Variants in PRELID2 observed in about 807,000 individuals in gnomAD.
PRELID2 encodes PRELI domain-containing protein 2.
In PRELID2, 25 loss-of-function variants were observed where a neutral mutation model predicts 28.4. The ratio of observed to expected loss-of-function variants is 0.88; its 90% CI spans 0.64 to 1.23. PRELID2 has a LOEUF of 1.23. PRELID2 is among the 50% of genes most tolerant of loss of function. The pLI, the probability that PRELID2 is intolerant of heterozygous loss-of-function variation, is 0.00. For synonymous variants in PRELID2, 76 were observed against 71.6 expected, an observed-to-expected ratio of 1.06 and a Z score of -0.31; for missense variants, 201 against 214.4, an observed-to-expected ratio of 0.94 and a Z score of 0.39.
chr5:145,729,221 C>T (rs1208342905), intron 1 of PRELID2: 16 of 840,430 alleles, frequency 1.9e-5, no homozygotes, highest in Non-Finnish European at 3.2e-5. Context: ...GCCAGAATGC[C>T]CTGAATCTTA....
chr5:145,702,600 C>G (rs1755435871), intron 1 of PRELID2, among the ~76,000 whole-genome samples: 1 of 152,160 alleles, frequency 6.6e-6, no homozygotes, highest in Non-Finnish European at 1.5e-5. Context: ...TAAAGCAATT[C>G]AATGACATTC....
intron 1 of PRELID2, among the ~76,000 whole-genome samples, chr5:145,742,780 G>T (rs192782801): frequency 1.8e-3 from 269 of 151,310 alleles, no homozygotes; most frequent in African/African-American, 5.0e-3. Context: ...TAGCAGAAAA[G>T]CCATACAGAA....
rs1378775089 is a variant in PRELID2 at position 145,758,901 on chromosome 5, A to G, written c.*1635T>C. 1 of 152,050 alleles carries G rather than the reference A, an allele frequency of 6.6e-6. No homozygotes were observed. The allele number at this position is 152,050 out of a possible 1,614,324, so 9.4% of individuals were successfully genotyped here. A position where few individuals can be genotyped will look rare whatever the true frequency, so the allele number is the denominator to read the frequency against. On this transcript the variant is annotated 3_prime_UTR_variant, in exon 7 of 7. Transcript: ENST00000683046. The stretch of plus-strand genomic sequence containing the variant: ...CAGTGGCAGGCTTGTATGAAAAAAT[A>G]CAATTGCTTTGAAATTCATCAATGG...
intron 1 of PRELID2, among the ~76,000 whole-genome samples, chr5:145,517,355 G>T (rs1752526032): frequency 6.6e-6 from 1 of 151,980 alleles, no homozygotes; most frequent in Non-Finnish European, 1.5e-5. Flanking sequence ...CTTCTCGAAA[G>T]AAGACATTTA....
intron 1 of PRELID2, among the ~76,000 whole-genome samples, chr5:145,624,417 ACTAT>A (rs1753816568): frequency 6.6e-6 from 1 of 152,172 alleles, no homozygotes; most frequent in Non-Finnish European, 1.5e-5. Flanking sequence ...CTATCCTGAA[ACTAT>A]CTATGGACCC....
chr5:145,567,551 T>C (rs138053999), intron 1 of PRELID2, among the ~76,000 whole-genome samples: 1 of 152,314 alleles, frequency 6.6e-6, no homozygotes, highest in Non-Finnish European at 1.5e-5. Flanking sequence ...CTAGTTTTTG[T>C]ACTTTTAGTA....
At chr5:145,830,617 C>A (rs1442024879) in intron 1 of PRELID2, among the ~76,000 whole-genome samples, 3 of 152,222 alleles carry the variant, frequency 2.0e-5, no homozygotes, top group Admixed American at 1.3e-4. Flanking sequence ...CCAAAATACA[C>A]TGTCAAGTGC....
chr5:145,301,464 T>C, the PRELID2 span, among the ~76,000 whole-genome samples: 1 of 152,294 alleles, frequency 6.6e-6, no homozygotes, highest in East Asian at 1.9e-4. Context: ...ACTTGCCTAT[T>C]CATTTTCTTA....
At chr5:145,332,211 TTTCAACC>T in the PRELID2 span, among the ~76,000 whole-genome samples, 1 of 152,210 alleles carries the variant, frequency 6.6e-6, no homozygotes, top group Non-Finnish European at 1.5e-5. Flanking sequence ...TTTTCCTTCA[TTTCAACC>T]TTGGTGAATC....
At chr5:145,623,323 C>G (rs1385823565) in intron 1 of PRELID2, among the ~76,000 whole-genome samples, 1 of 151,898 alleles carries the variant, frequency 6.6e-6, no homozygotes, top group African/African-American at 2.4e-5. Context: ...TGGCGCGCAC[C>G]TGTAATCCCA....
At chr5:145,379,072 T>C in the PRELID2 span, among the ~76,000 whole-genome samples, 1 of 152,222 alleles carries the variant, frequency 6.6e-6, no homozygotes, top group African/African-American at 2.4e-5. Flanking sequence ...GACTTATTTC[T>C]GGAAGATTTT....
In PRELID2 at chr5:145,574,700, T is replaced by C. The variant is rs541062626; in HGVS notation, n.71-101385A>G. Among the ~76,000 whole-genome samples, 238 of 152,198 alleles carry C rather than the reference T, an allele frequency of 1.6e-3. 1 individual carries two copies. The highest frequency in any genetic ancestry group is 3.1e-3 in the Non-Finnish European group (210 of 68,038). Reference sequence around the variant, plus strand: ...CCCTTGGTATCTGTTGGGGAGAGGTTCCAGGACCCCTGAGGATGTCAAAAT... The same window carrying C: ...CCCTTGGTATCTGTTGGGGAGAGGTCCCAGGACCCCTGAGGATGTCAAAAT... On this transcript the variant is annotated intron_variant and non_coding_transcript_variant, in intron 1 of 2. Coordinates refer to the PRELID2 transcript ENST00000510259.
chr5:145,664,750 T>A (rs180844812), intron 1 of PRELID2, among the ~76,000 whole-genome samples: 58 of 152,222 alleles, frequency 3.8e-4, no homozygotes, highest in African/African-American at 1.4e-3. Flanking sequence ...TAGCTCTGTC[T>A]CCATTTATAC....
At chr5:145,523,765 G>A (rs1194788684) in intron 1 of PRELID2, among the ~76,000 whole-genome samples, 9 of 152,044 alleles carry the variant, frequency 5.9e-5, no homozygotes, top group African/African-American at 1.4e-4. Context: ...CCAATTTTGG[G>A]AGAACACAAA....
chr5:145,687,191 T>C (rs1474160780), intron 1 of PRELID2, among the ~76,000 whole-genome samples: 1 of 152,198 alleles, frequency 6.6e-6, no homozygotes, highest in Non-Finnish European at 1.5e-5. Flanking sequence ...TTAATGGGAC[T>C]CTTCTTCTGG....
chr5:145,574,613 CT>C lies in PRELID2; in HGVS notation n.71-101299del, dbSNP rs568427019. On this transcript the variant is annotated intron_variant and non_coding_transcript_variant, in intron 1 of 2. Coordinates refer to the PRELID2 transcript ENST00000510259. ...GGTCCTTACCGACTTTTGTTTTCAA[CT>C]GAGAGCCTTGTCCATCCATTACAGC... is the stretch of plus-strand genomic sequence containing the variant. Among the ~76,000 whole-genome samples, 51 of 152,258 alleles carry C rather than the reference CT, an allele frequency of 3.3e-4. 1 individual carries two copies. Among genetic ancestry groups the C allele is most frequent in the Admixed American group, 9.8e-4 (15 of 15,280 alleles).
In PRELID2 at chr5:145,699,658, C is replaced by G. The variant is rs1049310137; in HGVS notation, n.70+65273G>C. Among the ~76,000 whole-genome samples the G allele has an allele frequency of 2.0e-5, 3 of 152,054 alleles. No homozygotes were observed. In the South Asian group the frequency reaches 6.2e-4, roughly 32 times the overall value. ...TTTTTAAAAGAAACTGATTTCAGAG[C>G]CATATGATTTTGCTTTAAGATTTCC... On this transcript the variant is annotated intron_variant and non_coding_transcript_variant, in intron 1 of 2. Transcript: ENST00000510259.
chr5:145,794,492 G>A (rs560748123), intron 5 of PRELID2, among the ~76,000 whole-genome samples: 2 of 152,270 alleles, frequency 1.3e-5, no homozygotes, highest in South Asian at 4.1e-4. Flanking sequence ...TGGCAAGAGG[G>A]AACTCTTATT....
chr5:145,648,159 G>C (rs2149668765), intron 1 of PRELID2, among the ~76,000 whole-genome samples: 1 of 152,300 alleles, frequency 6.6e-6, no homozygotes, highest in African/African-American at 2.4e-5. Context: ...AGTTCAGTAA[G>C]TCCCTAAACA....
Sources: allele counts gnomAD v4.1 joint callset (sites outside exome capture counted in the v4.1 genomes callset), GRCh38; gene constraint gnomAD v4.1.1; transcripts MANE v1.5; gene names NCBI Gene and HGNC (gene_info 2026-07-23, HGNC 2026-07-21).